Variants in PAG1 observed in about 807,000 individuals in gnomAD.
PAG1 encodes phosphoprotein membrane anchor with glycosphingolipid microdomains 1.
Under a neutral mutation model 31.7 loss-of-function variants are expected in PAG1, and 23 were observed. The observed-to-expected ratio is 0.73, with a 90% CI of 0.52 to 1.03. The LOEUF (loss-of-function observed/expected upper bound fraction) is 1.03. Ranked by LOEUF, PAG1 falls within the 50% of genes least tolerant of loss-of-function variation. The probability of loss-of-function intolerance (pLI) is 0.00; values close to 1 mark genes in which losing one functional copy is unlikely to be tolerated. For synonymous variants in PAG1, 214 were observed against 210.3 expected (o/e 1.02, Z -0.15); for missense variants, 473 against 540.7 (o/e 0.87, Z 1.24).
chr8:81,060,729 C>T (rs1808903766), intron 2 of PAG1, among the ~76,000 whole-genome samples: 2 of 152,120 alleles, frequency 1.3e-5, no homozygotes, highest in South Asian at 2.1e-4. Context: ...TACTTTGAGG[C>T]CACTAATGTA....
In PAG1 at chr8:80,978,343, T is replaced by C. The variant is rs186253146; in HGVS notation, c.937-1437A>G. Among the ~76,000 whole-genome samples, 7 of 152,174 alleles carry C rather than the reference T, an allele frequency of 4.6e-5. No individual in the cohort carries two copies. The East Asian group carries it at 1.3e-3, about 29-fold the overall frequency. ...AGAATTATAATTTCTTTGAATTTAA[T>C]AAAAAAAATTCACTGCTGTTTATAA... is the stretch of plus-strand genomic sequence containing the variant. On this transcript the variant is annotated intron_variant, in intron 8 of 8. Coordinates refer to ENST00000220597, the MANE Select transcript of PAG1 (RefSeq NM_018440.4).
chr8:81,052,044 G>A (rs947790220), intron 2 of PAG1, among the ~76,000 whole-genome samples: 4 of 151,734 alleles, frequency 2.6e-5, no homozygotes, highest in Non-Finnish European at 5.9e-5. Flanking sequence ...GCAGGAGAAT[G>A]GCGTGAACCC....
At chr8:80,991,144 C>T (rs1022991380) in intron 5 of PAG1, among the ~76,000 whole-genome samples, 1 of 152,160 alleles carries the variant, frequency 6.6e-6, no homozygotes, top group African/African-American at 2.4e-5. Flanking sequence ...CAGAAGCAAC[C>T]AATCCTGCCA....
intron 6 of PAG1, 101 bp downstream of exon 6, chr8:80,987,269 C>T: frequency 1.3e-6 from 1 of 764,272 alleles, no homozygotes; most frequent in Non-Finnish European, 2.3e-6. Flanking sequence ...TAAAACTGAG[C>T]AATAACACAT....
chr8:81,024,867 C>T (rs1808248369), intron 3 of PAG1, among the ~76,000 whole-genome samples: 1 of 152,124 alleles, frequency 6.6e-6, no homozygotes, highest in South Asian at 2.1e-4. Flanking sequence ...TCTTTTCTAC[C>T]TTACATTCTC....
At chr8:81,027,401 A>T (rs570205216) in intron 3 of PAG1, among the ~76,000 whole-genome samples, 6 of 152,340 alleles carry the variant, frequency 3.9e-5, no homozygotes, top group Non-Finnish European at 1.5e-5. Context: ...ACAACAAAGC[A>T]GATAATACGT....
At chr8:81,049,912 T>C (rs971000284) in intron 2 of PAG1, among the ~76,000 whole-genome samples, 1 of 152,186 alleles carries the variant, frequency 6.6e-6, no homozygotes, top group Non-Finnish European at 1.5e-5. Flanking sequence ...AGTAAATATT[T>C]ACTGAGTACC....
At chr8:81,010,886 G>T (rs1807971297) in intron 3 of PAG1, among the ~76,000 whole-genome samples, 1 of 152,076 alleles carries the variant, frequency 6.6e-6, no homozygotes, top group Non-Finnish European at 1.5e-5. Context: ...CCCTCACCTG[G>T]AGCTTTTATA....
intron 7 of PAG1, 65 bp downstream of exon 7, chr8:80,984,711 G>A (rs1285293457): frequency 5.4e-6 from 8 of 1,483,784 alleles, no homozygotes; most frequent in Non-Finnish European, 7.4e-6. Context: ...AACAACTCCA[G>A]GGCCAGCTAG....
At chr8:80,989,387 C>T (rs1807491150) in intron 5 of PAG1, among the ~76,000 whole-genome samples, 1 of 152,152 alleles carries the variant, frequency 6.6e-6, no homozygotes, top group African/African-American at 2.4e-5. Context: ...TAGACTCTAA[C>T]TACTATTCCT....
chr8:81,062,147 G>C (rs977402402), intron 2 of PAG1, among the ~76,000 whole-genome samples: 5 of 152,174 alleles, frequency 3.3e-5, no homozygotes, highest in Non-Finnish European at 7.4e-5. Context: ...CACACTCATC[G>C]CAATAGTCAC....
At chr8:81,007,119 G>A (rs1807894178) in intron 3 of PAG1, among the ~76,000 whole-genome samples, 1 of 152,164 alleles carries the variant, frequency 6.6e-6, no homozygotes, top group Non-Finnish European at 1.5e-5. Flanking sequence ...GCATTCAACA[G>A]AGAGGCAGAG....
chr8:81,096,637 G>A (rs371730661), intron 1 of PAG1, among the ~76,000 whole-genome samples: 1 of 152,198 alleles, frequency 6.6e-6, no homozygotes, highest in African/African-American at 2.4e-5. Flanking sequence ...TGTGTCCTTT[G>A]GGCTGGTGAG....
At chr8:81,057,195 T>C (rs1429040247) in intron 2 of PAG1, among the ~76,000 whole-genome samples, 1 of 152,196 alleles carries the variant, frequency 6.6e-6, no homozygotes, top group East Asian at 1.9e-4. Context: ...AGAAATACCA[T>C]TTGACCCAGC....
intron 3 of PAG1, among the ~76,000 whole-genome samples, chr8:81,028,760 C>G (rs1337681136): frequency 2.0e-5 from 3 of 152,228 alleles, no homozygotes; most frequent in Non-Finnish European, 1.5e-5. Context: ...GTACGCACAG[C>G]ACAGATTCCT....
At chr8:81,026,581 C>T (rs540543731) in intron 3 of PAG1, among the ~76,000 whole-genome samples, 14 of 151,776 alleles carry the variant, frequency 9.2e-5, no homozygotes, top group South Asian at 4.2e-4. Flanking sequence ...AGCTTTCTGG[C>T]GAACTGTGGT....
At position 80,976,409 on chromosome 8, in the gene PAG1, C is replaced by G. The variant is rs962393684; in HGVS notation, c.*135G>C. On this transcript the variant is annotated 3_prime_UTR_variant, in exon 9 of 9. Coordinates refer to ENST00000220597, the MANE Select transcript of PAG1 (RefSeq NM_018440.4). ...GAAACTGAACAACTGGGAGAACAGT[C>G]GACAGGGCCTCTCCAACCATCTTCA... 3.2e-5 allele frequency: 28 copies of G among 863,416 alleles called. No individual in the cohort carries two copies. The African/African-American group carries it at 4.2e-4, about 13-fold the overall frequency. 53.5% of individuals were successfully genotyped at this position (863,416 alleles called of 1,614,324 possible). A position where few individuals can be genotyped will look rare whatever the true frequency, so the allele number is the denominator to read the frequency against.
chr8:81,064,005 C>A (rs10102042), intron 2 of PAG1, among the ~76,000 whole-genome samples: 3,336 of 151,916 alleles, frequency 0.022, 115 homozygotes, highest in African/African-American at 0.076. Context: ...ACACAAGGAG[C>A]AAAAGACAAA....
chr8:80,981,447 C>G (rs1159113570), intron 7 of PAG1, among the ~76,000 whole-genome samples: 1 of 152,062 alleles, frequency 6.6e-6, no homozygotes, highest in Non-Finnish European at 1.5e-5. Context: ...CCAGTATACT[C>G]AGTCTCTGCT....
Sources: allele counts gnomAD v4.1 joint callset (sites outside exome capture counted in the v4.1 genomes callset), GRCh38; gene constraint gnomAD v4.1.1; transcripts MANE v1.5; gene names NCBI Gene and HGNC (gene_info 2026-07-23, HGNC 2026-07-21).